TBC1D5: variants seen among roughly 807,000 people sequenced by gnomAD.
TBC1D5 encodes the protein TBC1 domain family, member 5.
A neutral mutation model predicts 100.3 loss-of-function variants in TBC1D5; 75 were observed. That is an observed-to-expected ratio of 0.75 (90% CI 0.62 to 0.91). The LOEUF is 0.91. TBC1D5 is among the 40% of genes least tolerant of loss of function. The pLI is 0.00. For missense variants in TBC1D5, 910 were observed against 942.4 expected, an observed-to-expected ratio of 0.97 and a Z score of 0.45; for synonymous variants, 323 against 325.6, an observed-to-expected ratio of 0.99 and a Z score of 0.09.
chr3:17,702,717 C>T (rs569023958), intron 1 of TBC1D5, among the ~76,000 whole-genome samples: 67 of 152,142 alleles, frequency 4.4e-4, no homozygotes, highest in African/African-American at 1.4e-3. Context: ...CAAAATTTAG[C>T]AAGATTACTT....
intron 3 of TBC1D5, among the ~76,000 whole-genome samples, chr3:17,493,624 T>G (rs537300379): frequency 7.2e-5 from 11 of 152,214 alleles, no homozygotes; most frequent in Non-Finnish European, 1.2e-4. Context: ...TGTTCGTTCC[T>G]TACCATTCTC....
chr3:17,562,704 T>C (rs1051472202), intron 2 of TBC1D5, among the ~76,000 whole-genome samples: 1 of 152,162 alleles, frequency 6.6e-6, no homozygotes, highest in Admixed American at 6.5e-5. Flanking sequence ...TAAAAAAATG[T>C]GTGACTTGTT....
intron 16 of TBC1D5, among the ~76,000 whole-genome samples, chr3:17,252,021 T>C (rs1241857579): frequency 6.6e-6 from 1 of 152,202 alleles, no homozygotes; most frequent in Non-Finnish European, 1.5e-5. Flanking sequence ...ACACTAAGAG[T>C]AGAATCTCAT....
At chr3:17,412,142 C>G (rs1047990505) in intron 4 of TBC1D5, among the ~76,000 whole-genome samples, 10 of 152,100 alleles carry the variant, frequency 6.6e-5, no homozygotes, top group African/African-American at 2.4e-4. Flanking sequence ...CTGCAAAGCA[C>G]TCTGGTAGTA....
At chr3:17,175,858 G>C (rs1166018951) in intron 19 of TBC1D5, among the ~76,000 whole-genome samples, 4 of 152,200 alleles carry the variant, frequency 2.6e-5, no homozygotes, top group Non-Finnish European at 4.4e-5. Flanking sequence ...CCAAGGCAAT[G>C]AACATCAGCC....
intron 10 of TBC1D5, among the ~76,000 whole-genome samples, chr3:17,375,314 A>C (rs1220034066): frequency 2.6e-5 from 4 of 152,150 alleles, no homozygotes; most frequent in Non-Finnish European, 5.9e-5. Flanking sequence ...CACACCTGTA[A>C]TCCCAACACT....
intron 3 of TBC1D5, among the ~76,000 whole-genome samples, chr3:17,497,588 T>G (rs2095730325): frequency 1.3e-5 from 2 of 152,210 alleles, no homozygotes; most frequent in Admixed American, 1.3e-4. Flanking sequence ...AAAACAAATC[T>G]ATTCACAAGT....
intron 17 of TBC1D5, among the ~76,000 whole-genome samples, chr3:17,234,792 CAT>C (rs1320634144): frequency 6.6e-6 from 1 of 152,090 alleles, no homozygotes; most frequent in African/African-American, 2.4e-5. Context: ...AGTTAAATGA[CAT>C]ATCCTCAGTG....
chr3:17,731,284 C>T (rs929954897), intron 1 of TBC1D5, among the ~76,000 whole-genome samples: 5 of 151,958 alleles, frequency 3.3e-5, no homozygotes, highest in African/African-American at 9.7e-5. Context: ...GGGCGGATCA[C>T]GAGGTCAAGA....
chr3:17,437,562 A>ATGTG lies in TBC1D5; in HGVS notation c.98-9047_98-9044dup, dbSNP rs60714048. Among the ~76,000 whole-genome samples, 515 of 140,068 alleles carry ATGTG rather than the reference A, an allele frequency of 3.7e-3. 2 individuals are homozygous for ATGTG. Among genetic ancestry groups the ATGTG allele is most frequent in the African/African-American group, 0.012 (478 of 38,718 alleles). 91.9% of individuals were successfully genotyped at this position (140,068 alleles called of 152,430 possible). On this transcript the variant is annotated intron_variant, in intron 3 of 21. Coordinates refer to ENST00000253692, the Ensembl canonical transcript of TBC1D5. The stretch of plus-strand genomic sequence containing the variant: ...GGGAACAGGTATATAGGTAGTATGC[A>ATGTG]TGTGTGTGTGTGTGTGTGTGTGGTG...
chr3:17,422,354 GT>G (rs1317503738), intron 4 of TBC1D5, among the ~76,000 whole-genome samples: 12 of 143,090 alleles, frequency 8.4e-5, no homozygotes, highest in East Asian at 2.0e-4. Flanking sequence ...TTGTTTTTTT[GT>G]TTTTTTTTTT....
chr3:17,250,996 T>C (rs1327724666), intron 16 of TBC1D5, among the ~76,000 whole-genome samples: 1 of 152,216 alleles, frequency 6.6e-6, no homozygotes, highest in Non-Finnish European at 1.5e-5. Flanking sequence ...AGTTTCAGCT[T>C]TCTTATTAGC....
chr3:17,315,792 G>C (rs1037423463), intron 13 of TBC1D5, among the ~76,000 whole-genome samples: 2 of 152,132 alleles, frequency 1.3e-5, no homozygotes, highest in African/African-American at 4.8e-5. Flanking sequence ...ACCATTACCT[G>C]TGTTTGGAAG....
At chr3:17,527,400 A>G (rs1385842668) in intron 2 of TBC1D5, among the ~76,000 whole-genome samples, 4 of 152,124 alleles carry the variant, frequency 2.6e-5, no homozygotes, top group Non-Finnish European at 5.9e-5. Flanking sequence ...AGAAGGGGAA[A>G]CAGAAGAGAG....
intron 1 of TBC1D5, among the ~76,000 whole-genome samples, chr3:17,720,523 T>C (rs1560550614): frequency 6.6e-6 from 1 of 152,134 alleles, no homozygotes; most frequent in Non-Finnish European, 1.5e-5. Context: ...TAAAACACTG[T>C]AGGTTGGGCA....
At chr3:17,606,977 A>G (rs550989330) in intron 2 of TBC1D5, among the ~76,000 whole-genome samples, 12 of 152,318 alleles carry the variant, frequency 7.9e-5, no homozygotes, top group Admixed American at 4.6e-4. Context: ...AATTAGTTCG[A>G]TTTTACCAAA....
intron 13 of TBC1D5, among the ~76,000 whole-genome samples, chr3:17,324,032 T>C (rs139607213): frequency 7.2e-5 from 11 of 152,326 alleles, no homozygotes; most frequent in Admixed American, 5.9e-4. Context: ...TTATGGTCAA[T>C]TGATTCTTGC....
chr3:17,268,719 T>C (rs2079073602), intron 15 of TBC1D5, among the ~76,000 whole-genome samples: 1 of 152,110 alleles, frequency 6.6e-6, no homozygotes, highest in Non-Finnish European at 1.5e-5. Context: ...GAAGAAAATA[T>C]AAATTTCAGT....
chr3:17,413,436 T>C (rs1035304180), intron 4 of TBC1D5, among the ~76,000 whole-genome samples: 6 of 152,192 alleles, frequency 3.9e-5, no homozygotes, highest in Non-Finnish European at 7.4e-5. Flanking sequence ...CTTCCTGCAA[T>C]GGCTATTTTG....
Sources: gnomAD v4.1 joint callset for allele counts (sites outside exome capture counted in the v4.1 genomes callset) on GRCh38, gnomAD v4.1.1 for gene constraint, MANE v1.5 for transcripts, NCBI Gene and HGNC (gene_info 2026-07-23, HGNC 2026-07-21) for gene names.